The following HDAC4 variants were observed in gnomAD, a reference collection of about 807,000 sequenced individuals.
HDAC4 encodes the protein histone deacetylase 4, also known as histone deacetylase A.
Under a neutral mutation model 135.1 loss-of-function variants are expected in HDAC4, and 16 were observed. The ratio of observed to expected loss-of-function variants is 0.12; its 90% confidence interval spans 0.08 to 0.18. HDAC4 has a LOEUF of 0.18. Ranked by LOEUF, HDAC4 falls within the 10% of genes least tolerant of loss-of-function variation. HDAC4 has a pLI of 1.00. For synonymous variants in HDAC4, 685 were observed against 653.4 expected (o/e 1.05, Z -0.74); for missense variants, 1,143 against 1,511.8 (o/e 0.76, Z 4.05).
At chr2:239,114,320 C>T (rs772073385) in intron 13 of HDAC4, among the ~76,000 whole-genome samples, 1 of 152,184 alleles carries the variant, frequency 6.6e-6, no homozygotes, top group Non-Finnish European at 1.5e-5. Flanking sequence ...AGCAGCTCTG[C>T]TGCTGGAGGA....
intron 12 of HDAC4, among the ~76,000 whole-genome samples, chr2:239,118,425 C>T (rs1018131514): frequency 2.6e-5 from 4 of 152,098 alleles, no homozygotes; most frequent in Middle Eastern, 3.2e-3. Context: ...CAGTAGGCGG[C>T]GTGGCACGTA....
At chr2:239,375,907 G>A (rs1164740338) in intron 1 of HDAC4, among the ~76,000 whole-genome samples, 1 of 152,200 alleles carries the variant, frequency 6.6e-6, no homozygotes, top group Non-Finnish European at 1.5e-5. Context: ...GGGGTGCCTG[G>A]CAGTCACCCC....
chr2:239,304,781 C>G lies in HDAC4; in HGVS notation c.22+47897G>C, dbSNP rs1405774362. On this transcript the variant is annotated intron_variant, in intron 2 of 26. Transcript: ENST00000543185. ...TCCTTAATGGAGCTTAGGAATGACA[C>G]GCTATGGACGCTGACTGTCCAAGCA... Among the ~76,000 whole-genome samples, 5 of 152,290 alleles carry G rather than the reference C, an allele frequency of 3.3e-5. No homozygotes were observed. In the East Asian group the frequency reaches 7.7e-4, roughly 24 times the overall value.
At chr2:239,366,960 G>A (rs762105818) in intron 1 of HDAC4, among the ~76,000 whole-genome samples, 2 of 139,522 alleles carry the variant, frequency 1.4e-5, no homozygotes, top group African/African-American at 3.4e-5. Flanking sequence ...CACCAACAAC[G>A]GGCCTGAATT....
intron 4 of HDAC4, among the ~76,000 whole-genome samples, chr2:239,177,396 G>A (rs1370867675): frequency 6.6e-6 from 1 of 152,206 alleles, no homozygotes; most frequent in Non-Finnish European, 1.5e-5. Flanking sequence ...AAAATATGGA[G>A]GGCTGACTAT....
At chr2:239,391,020 G>T in intron 1 of HDAC4, among the ~76,000 whole-genome samples, 1 of 152,256 alleles carries the variant, frequency 6.6e-6, no homozygotes, top group East Asian at 1.9e-4. Context: ...CGGCAAAGCC[G>T]TGGCACAGTG....
rs1283596504 is a variant in HDAC4 at position 239,079,851 on chromosome 2, GA to G, written c.2750+1243del. On this transcript the variant is annotated intron_variant, in intron 22 of 26. Transcript: ENST00000543185. ...GCACACACAGCGATATACACACAAA[GA>G]CATGTGCATGCAAAGACAAGCACAT... Among the ~76,000 whole-genome samples the G allele has an allele frequency of 3.3e-5, 5 of 151,414 alleles. No individual in the cohort carries two copies. The South Asian group carries it at 6.3e-4, about 19-fold the overall frequency.
At chr2:239,144,820 T>G in intron 7 of HDAC4, 106 bp from the exon 8 acceptor site, 1 of 1,207,330 alleles carries the variant, frequency 8.3e-7, no homozygotes, top group Non-Finnish European at 1.2e-6. Flanking sequence ...AAATATTTGC[T>G]CAACACTGCT....
intron 2 of HDAC4, chr2:239,298,156 T>C (rs993133987): frequency 4.8e-6 from 6 of 1,247,150 alleles, no homozygotes; most frequent in Non-Finnish European, 5.3e-6. Context: ...AACCAAATAA[T>C]TCTCCTCACC....
At chr2:239,208,341 A>C (rs1174780229) in intron 3 of HDAC4, among the ~76,000 whole-genome samples, 2 of 104,132 alleles carry the variant, frequency 1.9e-5, no homozygotes, top group South Asian at 2.9e-4. Flanking sequence ...AAAAAAAAAA[A>C]AAAAAAAAAA....
chr2:239,400,145 G>A lies in HDAC4; in HGVS notation c.-220+833C>T, dbSNP rs1259868795. Reference sequence around the variant, plus strand: ...CCACCCCCGAGCGGGACCGGGCCCCGTCTCGGCCTGCTGGCGCCCTGCGGG... The same window carrying A: ...CCACCCCCGAGCGGGACCGGGCCCCATCTCGGCCTGCTGGCGCCCTGCGGG... On this transcript the variant is annotated intron_variant, in intron 1 of 26. Transcript: ENST00000543185. This position sits in a 1 kb window ranked among gnomAD's most constrained non-coding sequence, Gnocchi z 4.7. Among the ~76,000 whole-genome samples, 1 of 151,458 alleles carries A rather than the reference G, an allele frequency of 6.6e-6. No individual in the cohort carries two copies. Among genetic ancestry groups the A allele is most frequent in the Non-Finnish European group, 1.5e-5 (1 of 67,770 alleles).
chr2:239,337,920 A>G (rs946517662), intron 2 of HDAC4, among the ~76,000 whole-genome samples: 4 of 152,184 alleles, frequency 2.6e-5, no homozygotes, highest in African/African-American at 7.2e-5. Context: ...GTACACTGCT[A>G]TCTCTTCGGG....
intron 6 of HDAC4, among the ~76,000 whole-genome samples, chr2:239,161,318 T>C (rs1403100725): frequency 6.6e-6 from 1 of 152,202 alleles, no homozygotes; most frequent in Non-Finnish European, 1.5e-5. Flanking sequence ...TTTTGGGTTT[T>C]TGGTATCTAG....
chr2:239,157,086 A>G (rs1200196793), intron 6 of HDAC4, among the ~76,000 whole-genome samples: 2 of 152,214 alleles, frequency 1.3e-5, no homozygotes, highest in Non-Finnish European at 2.9e-5. Flanking sequence ...GCTCCAGCCC[A>G]GTCAGTTCGC....
chr2:239,348,395 G>A (rs1047609493), intron 2 of HDAC4, among the ~76,000 whole-genome samples: 1 of 152,236 alleles, frequency 6.6e-6, no homozygotes, highest in East Asian at 1.9e-4. Flanking sequence ...AATGACACTG[G>A]AGGGACGGGG....
At chr2:239,157,486 G>A (rs532289692) in intron 6 of HDAC4, among the ~76,000 whole-genome samples, 1 of 152,350 alleles carries the variant, frequency 6.6e-6, no homozygotes, top group African/African-American at 2.4e-5. Flanking sequence ...CGTCTGCCAG[G>A]AGAATGGCCG....
intron 2 of HDAC4, among the ~76,000 whole-genome samples, chr2:239,296,524 C>T (rs547910109): frequency 6.6e-6 from 1 of 152,378 alleles, no homozygotes; most frequent in South Asian, 2.1e-4. Context: ...GCCTCAACTA[C>T]CTTCCAAGGC....
intron 4 of HDAC4, among the ~76,000 whole-genome samples, chr2:239,176,946 G>A (rs1430299508): frequency 6.6e-6 from 1 of 152,104 alleles, no homozygotes; most frequent in African/African-American, 2.4e-5. Context: ...AAAGTTAAAT[G>A]CACATCTGCC....
chr2:239,341,505 G>T (rs1041571604), intron 2 of HDAC4, among the ~76,000 whole-genome samples: 1 of 152,108 alleles, frequency 6.6e-6, no homozygotes, highest in Non-Finnish European at 1.5e-5. Context: ...CCCTCAATAC[G>T]GCCTTACCCT....
Sources: allele counts gnomAD v4.1 joint callset (sites outside exome capture counted in the v4.1 genomes callset), GRCh38; gene constraint gnomAD v4.1.1; non-coding constraint Gnocchi (gnomAD v3.1); transcripts MANE v1.5; gene names NCBI Gene and HGNC (gene_info 2026-07-23, HGNC 2026-07-21).